Variants in SHISA9 observed in about 807,000 individuals in gnomAD.
SHISA9 encodes protein shisa-9.
In SHISA9, 13 loss-of-function variants were observed where a neutral mutation model predicts 38.0. The ratio of observed to expected loss-of-function variants is 0.34; its 90% CI spans 0.22 to 0.54. The LOEUF (loss-of-function observed/expected upper bound fraction) is 0.54. SHISA9 is among the 20% of genes least tolerant of loss of function. The pLI, the probability that SHISA9 is intolerant of heterozygous loss-of-function variation, is 0.91. For missense variants in SHISA9, 538 were observed against 575.8 expected (o/e 0.93, Z 0.67); for synonymous variants, 275 against 242.0 (o/e 1.14, Z -1.27).
At chr16:13,558,214 CA>C in the SHISA9 span, among the ~76,000 whole-genome samples, 8 of 152,200 alleles carry the variant, frequency 5.3e-5, no homozygotes, top group Admixed American at 2.6e-4. Flanking sequence ...TTTAGCTTCC[CA>C]TCTACAAAAT....
the SHISA9 span, among the ~76,000 whole-genome samples, chr16:13,430,834 T>C: frequency 2.0e-5 from 3 of 151,518 alleles, no homozygotes; most frequent in African/African-American, 7.3e-5. Context: ...TGGGAGGATC[T>C]CTTGAGCCCA....
At chr16:13,287,270 A>C in the SHISA9 span, among the ~76,000 whole-genome samples, 1 of 152,052 alleles carries the variant, frequency 6.6e-6, no homozygotes, top group Non-Finnish European at 1.5e-5. Context: ...GGAGATGAGA[A>C]TGTGTTCAGT....
chr16:13,381,720 T>A, the SHISA9 span, among the ~76,000 whole-genome samples: 1,639 of 152,340 alleles, frequency 0.011, 17 homozygotes, highest in Middle Eastern at 0.051. Flanking sequence ...ATGAATATAT[T>A]ATCTATAAAC....
chr16:13,408,807 T>A, the SHISA9 span, among the ~76,000 whole-genome samples: 1 of 152,106 alleles, frequency 6.6e-6, no homozygotes, highest in African/African-American at 2.4e-5. Flanking sequence ...AGATACCAAG[T>A]GAGTAAGCAG....
At chr16:13,197,993 TG>T (rs1466650347) in intron 2 of SHISA9, among the ~76,000 whole-genome samples, 2 of 152,302 alleles carry the variant, frequency 1.3e-5, no homozygotes, top group East Asian at 3.9e-4. Context: ...AAGACCAGCC[TG>T]GCCAACATGG....
the SHISA9 span, among the ~76,000 whole-genome samples, chr16:13,261,306 G>GATGATA: frequency 2.0e-5 from 3 of 152,150 alleles, no homozygotes; most frequent in African/African-American, 7.2e-5. Flanking sequence ...TAGGTTTATA[G>GATGATA]ATGATAATGA....
chr16:13,037,277 T>C (rs186885042), intron 2 of SHISA9, among the ~76,000 whole-genome samples: 49 of 152,172 alleles, frequency 3.2e-4, no homozygotes, highest in Non-Finnish European at 6.3e-4. Flanking sequence ...TAAGTGCCAA[T>C]GTGTGGAAGA....
the SHISA9 span, among the ~76,000 whole-genome samples, chr16:13,551,511 TACAC>T: frequency 1.3e-5 from 2 of 152,174 alleles, no homozygotes; most frequent in Admixed American, 6.5e-5. Context: ...AATCCTGAGA[TACAC>T]ATACATGTAA....
chr16:13,028,772 T>C (rs1174481338), intron 2 of SHISA9, among the ~76,000 whole-genome samples: 3 of 152,136 alleles, frequency 2.0e-5, no homozygotes, highest in Non-Finnish European at 4.4e-5. Flanking sequence ...TAGAGGGTCG[T>C]TGGAACAGCT....
chr16:13,499,655 A>G, the SHISA9 span, among the ~76,000 whole-genome samples: 1 of 152,182 alleles, frequency 6.6e-6, no homozygotes, highest in Admixed American at 6.5e-5. Flanking sequence ...TGAGGAAAGC[A>G]GAATCTCAAA....
intron 2 of SHISA9, among the ~76,000 whole-genome samples, chr16:12,993,182 C>T (rs1048793325): frequency 2.6e-5 from 4 of 152,076 alleles, no homozygotes; most frequent in Non-Finnish European, 5.9e-5. Flanking sequence ...CAGGCACCTA[C>T]CCTCATATAT....
At chr16:13,288,317 C>G in the SHISA9 span, among the ~76,000 whole-genome samples, 3 of 152,108 alleles carry the variant, frequency 2.0e-5, no homozygotes, top group African/African-American at 7.2e-5. Context: ...AGAGGCAGTT[C>G]AAGATCAGAG....
At chr16:12,953,051 G>A (rs2071780453) in intron 2 of SHISA9, among the ~76,000 whole-genome samples, 1 of 151,914 alleles carries the variant, frequency 6.6e-6, no homozygotes, top group Non-Finnish European at 1.5e-5. Context: ...AGGAAGATAA[G>A]GGCTGTGAAA....
the SHISA9 span, among the ~76,000 whole-genome samples, chr16:13,372,168 C>G: frequency 1.3e-5 from 2 of 152,182 alleles, no homozygotes; most frequent in Non-Finnish European, 2.9e-5. Flanking sequence ...TTTGTGGACT[C>G]TAGGGATTTT....
At chr16:13,377,164 G>A in the SHISA9 span, among the ~76,000 whole-genome samples, 99 of 152,302 alleles carry the variant, frequency 6.5e-4, no homozygotes, top group Non-Finnish European at 1.2e-3. Flanking sequence ...AGCTTGCCTT[G>A]GATGGTCAGA....
intron 2 of SHISA9, among the ~76,000 whole-genome samples, chr16:13,140,461 G>T (rs1275620977): frequency 1.3e-5 from 2 of 152,078 alleles, no homozygotes; most frequent in Non-Finnish European, 2.9e-5. Context: ...ATAGGCGTCA[G>T]CCACTGCACC....
At chr16:13,473,713 T>A in the SHISA9 span, among the ~76,000 whole-genome samples, 1 of 152,150 alleles carries the variant, frequency 6.6e-6, no homozygotes, top group Non-Finnish European at 1.5e-5. Context: ...ATAAAACTCT[T>A]ATATTGTTCA....
chr16:13,154,109 G>A (rs1222787663), intron 2 of SHISA9, among the ~76,000 whole-genome samples: 3 of 152,176 alleles, frequency 2.0e-5, no homozygotes, highest in East Asian at 3.9e-4. Flanking sequence ...CACCTATCAT[G>A]TGCTGAGTTT....
the SHISA9 span, chr16:13,258,187 A>G: frequency 6.6e-6 from 1 of 152,178 alleles, no homozygotes; most frequent in Non-Finnish European, 1.5e-5. Context: ...ATTACCTTGA[A>G]TAGTCAGAGT....
Sources: gnomAD v4.1 joint callset for allele counts (sites outside exome capture counted in the v4.1 genomes callset) on GRCh38, gnomAD v4.1.1 for gene constraint, MANE v1.5 for transcripts, NCBI Gene and HGNC (gene_info 2026-07-23, HGNC 2026-07-21) for gene names.